GPC5: variants seen among roughly 807,000 people sequenced by gnomAD.
GPC5 encodes glypican 5, also known as glypican-5.
GPC5 carries 47 observed loss-of-function variants against 53.9 expected under a neutral mutation model. The observed-to-expected ratio is 0.87, with a 90% CI of 0.69 to 1.11. The LOEUF is 1.11. Among genes scored for constraint, GPC5 ranks in the 50% most tolerant of loss-of-function variants. The probability of loss-of-function intolerance (pLI) is 0.00; values close to 1 mark genes in which losing one functional copy is unlikely to be tolerated. For synonymous variants in GPC5, 286 were observed against 263.3 expected (o/e 1.09, Z -0.84); for missense variants, 748 against 713.1 (o/e 1.05, Z -0.56).
At chr13:91,917,715 C>T (rs1198621294) in intron 6 of GPC5, among the ~76,000 whole-genome samples, 1 of 152,192 alleles carries the variant, frequency 6.6e-6, no homozygotes, top group African/African-American at 2.4e-5. Context: ...TTTGATAAAG[C>T]ATAGAAAGAA....
intron 7 of GPC5, among the ~76,000 whole-genome samples, chr13:92,831,627 G>A (rs994120051): frequency 4.0e-4 from 61 of 152,236 alleles, no homozygotes; most frequent in African/African-American, 1.4e-3. Context: ...GAAACAAAAA[G>A]CATTAGCTCA....
intron 7 of GPC5, among the ~76,000 whole-genome samples, chr13:92,189,547 A>G (rs2042208452): frequency 6.6e-6 from 1 of 152,078 alleles, no homozygotes; most frequent in Non-Finnish European, 1.5e-5. Flanking sequence ...AGGCCTGTTT[A>G]CTTCAGTTTC....
intron 7 of GPC5, among the ~76,000 whole-genome samples, chr13:92,209,958 T>C (rs147499237): frequency 6.6e-6 from 1 of 152,206 alleles, no homozygotes; most frequent in East Asian, 1.9e-4. Context: ...ACATCCAGCA[T>C]GGGAGACAAG....
chr13:92,162,230 C>T (rs1423570275), intron 7 of GPC5, among the ~76,000 whole-genome samples: 3 of 151,744 alleles, frequency 2.0e-5, no homozygotes, highest in Non-Finnish European at 2.9e-5. Context: ...TTTATAGTTC[C>T]AACATCATGG....
rs71123419 is a variant in GPC5, at chr13:92,628,264, C to CTTTTTTTTTTTTTTTTTTT, written c.1562-238007_1562-237989dup. Reference sequence around the variant, plus strand: ...TTTTCTTTTCTTTTTCTTTTTCTTTCTTTTTTTTTTTTTTTTTTTTTTTTT... The same window carrying CTTTTTTTTTTTTTTTTTTT: ...TTTTCTTTTCTTTTTCTTTTTCTTTCTTTTTTTTTTTTTTTTTTTTTTTTTTTTTTTTTTTTTTTTTTTT... On this transcript the variant is annotated intron_variant, in intron 7 of 7. Coordinates refer to ENST00000377067, the MANE Select transcript of GPC5 (RefSeq NM_004466.6). Among the ~76,000 whole-genome samples the CTTTTTTTTTTTTTTTTTTT allele has an allele frequency of 5.2e-3, 238 of 45,350 alleles. 44 individuals carry two copies. The highest frequency in any genetic ancestry group is 7.2e-3 in the East Asian group (11 of 1,524). The allele number at this position is 45,350 out of a possible 152,430, so 29.8% of individuals were successfully genotyped here.
At chr13:92,176,754 C>T (rs527887926) in intron 7 of GPC5, among the ~76,000 whole-genome samples, 5 of 152,144 alleles carry the variant, frequency 3.3e-5, no homozygotes, top group Admixed American at 6.5e-5. Context: ...CGGCCACATC[C>T]AAGCACTTCT....
chr13:91,570,049 G>GA (rs1364454802), intron 2 of GPC5, among the ~76,000 whole-genome samples: 1 of 151,994 alleles, frequency 6.6e-6, no homozygotes, highest in Non-Finnish European at 1.5e-5. Flanking sequence ...AGTCCCTTCG[G>GA]AAAAAATGAT....
chr13:92,525,450 G>GTGTGTA (rs1201242521), intron 7 of GPC5, among the ~76,000 whole-genome samples: 1 of 111,376 alleles, frequency 9.0e-6, no homozygotes, highest in Non-Finnish European at 2.2e-5. Flanking sequence ...GTGTGTGTGT[G>GTGTGTA]TGTGTGTGTG....
intron 2 of GPC5, among the ~76,000 whole-genome samples, chr13:91,678,795 G>A (rs2035442085): frequency 6.6e-6 from 1 of 151,582 alleles, no homozygotes. Flanking sequence ...AAAAGATTGA[G>A]GTAAGTTATC....
rs548260574 is a variant in GPC5 at position 91,756,824 on chromosome 13, G to A, written c.1280+404G>A. On this transcript the variant is annotated intron_variant, in intron 5 of 7. Transcript: ENST00000377067. ...CCTATTCAAAGATTCATTGGTATAT[G>A]GATATGTGTCCTAACAATGTTAATG... Among the ~76,000 whole-genome samples, 8 of 151,650 alleles carry A rather than the reference G, an allele frequency of 5.3e-5. No individual in the cohort carries two copies. In the East Asian group the frequency reaches 1.6e-3, roughly 30 times the overall value.
chr13:91,984,753 A>G (rs1432911545), intron 6 of GPC5, among the ~76,000 whole-genome samples: 1 of 152,222 alleles, frequency 6.6e-6, no homozygotes, highest in Non-Finnish European at 1.5e-5. Context: ...TTTTCATTAA[A>G]AAGCCTAAAC....
intron 4 of GPC5, among the ~76,000 whole-genome samples, chr13:91,750,312 A>G (rs542139464): frequency 9.8e-5 from 15 of 152,310 alleles, no homozygotes; most frequent in African/African-American, 3.4e-4. Context: ...CTTAATAATT[A>G]TATTTCATTT....
chr13:91,733,954 G>A (rs143926401), intron 4 of GPC5, among the ~76,000 whole-genome samples: 1,709 of 152,232 alleles, frequency 0.011, 15 homozygotes, highest in Non-Finnish European at 0.018. Context: ...GTATGATATT[G>A]GCTGTGGGTT....
chr13:92,502,695 T>G (rs1880234847), intron 7 of GPC5, among the ~76,000 whole-genome samples: 1 of 151,930 alleles, frequency 6.6e-6, no homozygotes, highest in Non-Finnish European at 1.5e-5. Flanking sequence ...TTAGAAAACA[T>G]AAATCAAGCA....
chr13:91,429,637 A>G (rs969056773), intron 1 of GPC5, among the ~76,000 whole-genome samples: 1 of 152,214 alleles, frequency 6.6e-6, no homozygotes, highest in Non-Finnish European at 1.5e-5. Context: ...TGATGGAACA[A>G]CACTGTGATC....
chr13:92,763,750 GC>G (rs758750702), intron 7 of GPC5, among the ~76,000 whole-genome samples: 1 of 152,104 alleles, frequency 6.6e-6, no homozygotes, highest in Non-Finnish European at 1.5e-5. Context: ...TAGAGTAGGG[GC>G]CCAAAAAATG....
At chr13:92,788,071 A>G (rs917707514) in intron 7 of GPC5, among the ~76,000 whole-genome samples, 2 of 152,168 alleles carry the variant, frequency 1.3e-5, no homozygotes. Context: ...ATGAAACATA[A>G]ACCTGTACCT....
intron 7 of GPC5, among the ~76,000 whole-genome samples, chr13:92,802,447 CT>C (rs1241765907): frequency 6.6e-6 from 1 of 151,450 alleles, no homozygotes; most frequent in African/African-American, 2.4e-5. Context: ...ACTTTAAGTT[CT>C]AGGGTACATG....
intron 5 of GPC5, among the ~76,000 whole-genome samples, chr13:91,767,384 G>C (rs901623293): frequency 6.6e-6 from 1 of 152,180 alleles, no homozygotes; most frequent in East Asian, 1.9e-4. Context: ...AAGCACTATA[G>C]AGATAAAAGT....
Sources: allele counts gnomAD v4.1 joint callset (sites outside exome capture counted in the v4.1 genomes callset), GRCh38; gene constraint gnomAD v4.1.1; transcripts MANE v1.5; gene names NCBI Gene and HGNC (gene_info 2026-07-23, HGNC 2026-07-21).